Variants in CNTN4 observed in about 807,000 individuals in gnomAD.
The protein encoded by CNTN4 is contactin 4, also known as contactin-4.
CNTN4 carries 77 observed loss-of-function variants against 122.5 expected under a neutral mutation model. The observed-to-expected ratio is 0.63, with a 90% CI of 0.52 to 0.76. The LOEUF (loss-of-function observed/expected upper bound fraction) is 0.76. Ranked by LOEUF, CNTN4 falls within the 30% of genes least tolerant of loss-of-function variation. The probability of loss-of-function intolerance (pLI) is 0.00; values close to 1 mark genes in which losing one functional copy is unlikely to be tolerated. For synonymous variants in CNTN4, 512 were observed against 447.0 expected (o/e 1.15, Z -1.83); for missense variants, 1,256 against 1,259.1 (o/e 1.00, Z 0.04).
chr3:2,376,292 CCT>C (rs1184913481), intron 3 of CNTN4, among the ~76,000 whole-genome samples: 1 of 151,976 alleles, frequency 6.6e-6, no homozygotes, highest in African/African-American at 2.4e-5. Context: ...ATTATTATTC[CCT>C]GATCCAAATT....
At chr3:2,617,419 C>CTTTTTTTTTTT (rs71058631) in intron 4 of CNTN4, among the ~76,000 whole-genome samples, 19 of 108,520 alleles carry the variant, frequency 1.8e-4, no homozygotes, top group African/African-American at 2.5e-4. Flanking sequence ...AGAGAAATGC[C>CTTTTTTTTTTT]TTTTTTTTTT....
intron 3 of CNTN4, among the ~76,000 whole-genome samples, chr3:2,551,802 T>C (rs2078518995): frequency 6.6e-6 from 1 of 152,160 alleles, no homozygotes; most frequent in African/African-American, 2.4e-5. Context: ...GATTGTGTAT[T>C]TAACAGGAAT....
rs777067521 is a variant in CNTN4 at position 3,042,364 on chromosome 3, T to C, written c.2453T>C (p.Ile818Thr). The change falls in exon 21 of 25, where the codon ATT becomes ACT. Residue 818 changes from isoleucine to threonine, a missense_variant. Physicochemically the swap from Ile to Thr is moderately conservative, Grantham distance 89 (BLOSUM62 -1). Transcript: ENST00000418658. Reference sequence around the variant, plus strand: ...GCCAGAAGTCTTTCTGCCACAGATATTGAAGTTTTCTGGGCCTCCCCACTG... The same window carrying C: ...GCCAGAAGTCTTTCTGCCACAGATACTGAAGTTTTCTGGGCCTCCCCACTG... ...IFARSLSATD[I>T]EVFWASPLEK... 4 of 1,614,156 alleles carry C rather than the reference T, an allele frequency of 2.5e-6. No individual in the cohort carries two copies. Among genetic ancestry groups the C allele is most frequent in the Non-Finnish European group, 3.4e-6 (4 of 1,180,016 alleles).
At chr3:2,574,757 G>A (rs993211750) in intron 4 of CNTN4, among the ~76,000 whole-genome samples, 5 of 152,108 alleles carry the variant, frequency 3.3e-5, no homozygotes, top group African/African-American at 1.2e-4. Flanking sequence ...GAATGTTAGT[G>A]ACTATGGAAA....
intron 8 of CNTN4, among the ~76,000 whole-genome samples, chr3:2,873,514 A>T (rs1200136790): frequency 1.3e-5 from 2 of 152,224 alleles, no homozygotes; most frequent in African/African-American, 4.8e-5. Context: ...TAAATTTAAG[A>T]CCAAAGGAGA....
At chr3:2,174,347 A>G (rs1253283546) in intron 2 of CNTN4, among the ~76,000 whole-genome samples, 3 of 152,220 alleles carry the variant, frequency 2.0e-5, no homozygotes, top group Admixed American at 1.3e-4. Context: ...CTCTAACAGC[A>G]TAACATAGAC....
chr3:2,360,445 T>C (rs2045081543), intron 3 of CNTN4, among the ~76,000 whole-genome samples: 1 of 152,232 alleles, frequency 6.6e-6, no homozygotes, highest in Non-Finnish European at 1.5e-5. Flanking sequence ...TATTTCAGTC[T>C]TCTATAATAT....
intron 13 of CNTN4, among the ~76,000 whole-genome samples, chr3:2,981,344 T>G (rs113379828): frequency 0.017 from 2,656 of 151,808 alleles, 39 homozygotes; most frequent in Non-Finnish European, 0.028. Flanking sequence ...CTCGGGAGGC[T>G]GAGGCGGGAG....
intron 13 of CNTN4, among the ~76,000 whole-genome samples, chr3:2,971,882 C>G (rs990053195): frequency 1.3e-5 from 2 of 152,154 alleles, no homozygotes; most frequent in Non-Finnish European, 2.9e-5. Context: ...AAAGCATTAA[C>G]TCTCATAGCC....
chr3:2,262,761 A>G (rs2040887269), intron 2 of CNTN4, among the ~76,000 whole-genome samples: 1 of 152,082 alleles, frequency 6.6e-6, no homozygotes, highest in African/African-American at 2.4e-5. Flanking sequence ...GCTGCAAGAA[A>G]CAGAAAATTC....
chr3:2,171,578 G>T (rs187819684), intron 2 of CNTN4, among the ~76,000 whole-genome samples: 1 of 152,252 alleles, frequency 6.6e-6, no homozygotes, highest in African/African-American at 2.4e-5. Context: ...GGTTAAAAAA[G>T]TCAGTGGGAC....
chr3:2,662,439 G>A (rs910168733), intron 4 of CNTN4, among the ~76,000 whole-genome samples: 4 of 152,136 alleles, frequency 2.6e-5, no homozygotes, highest in African/African-American at 9.7e-5. Flanking sequence ...CTGCTAAACA[G>A]GAAAAGAGAA....
At chr3:2,870,589 G>A (rs748171868) in intron 8 of CNTN4, among the ~76,000 whole-genome samples, 24 of 152,132 alleles carry the variant, frequency 1.6e-4, no homozygotes, top group Non-Finnish European at 3.4e-4. Flanking sequence ...TTTGGTGACT[G>A]TATATTAGAC....
chr3:3,042,081 G>T (rs947952861), intron 20 of CNTN4, among the ~76,000 whole-genome samples: 6 of 152,308 alleles, frequency 3.9e-5, no homozygotes, highest in African/African-American at 1.4e-4. Flanking sequence ...AAACTTAAGT[G>T]GTTCTTCTCT....
chr3:2,728,407 G>A (rs922015355), intron 4 of CNTN4, among the ~76,000 whole-genome samples: 2 of 152,198 alleles, frequency 1.3e-5, no homozygotes, highest in Admixed American at 6.5e-5. Context: ...CATGCTGGTG[G>A]TGGAAAGAGT....
chr3:2,314,102 A>G (rs922190798), intron 2 of CNTN4, among the ~76,000 whole-genome samples: 1 of 152,028 alleles, frequency 6.6e-6, no homozygotes, highest in African/African-American at 2.4e-5. Flanking sequence ...ATTAAAATTG[A>G]TAACAACAAA....
Position 3,001,241 on chromosome 3 carries a change from CA to C in CNTN4, c.1486+12771del, listed in dbSNP as rs140515236. 3.8e-3 allele frequency among the ~76,000 whole-genome samples: 575 copies of C among 152,320 alleles called. 2 individuals are homozygous for C. Among genetic ancestry groups the C allele is most frequent in the African/African-American group, 0.011 (478 of 41,576 alleles). On this transcript the variant is annotated intron_variant, in intron 14 of 24. Coordinates refer to ENST00000418658, the MANE Select transcript of CNTN4 (RefSeq NM_175607.3). ...AATTAAGCAGACTTTTACCGCTACA[CA>C]ACCTCAAGTCTCTCTCACTACGAAA... is the stretch of plus-strand genomic sequence containing the variant.
At chr3:2,535,549 C>G (rs1018856749) in intron 3 of CNTN4, among the ~76,000 whole-genome samples, 1 of 152,084 alleles carries the variant, frequency 6.6e-6, no homozygotes, top group Non-Finnish European at 1.5e-5. Flanking sequence ...GACTTGCTTG[C>G]TTTTTGTTCA....
chr3:2,698,002 C>T (rs1215456767), intron 4 of CNTN4, among the ~76,000 whole-genome samples: 2 of 152,104 alleles, frequency 1.3e-5, no homozygotes, highest in Admixed American at 1.3e-4. Flanking sequence ...AACATTCATC[C>T]GGACTGATGT....
Sources: allele counts gnomAD v4.1 joint callset (sites outside exome capture counted in the v4.1 genomes callset), GRCh38; gene constraint gnomAD v4.1.1; transcripts MANE v1.5; gene names NCBI Gene and HGNC (gene_info 2026-07-23, HGNC 2026-07-21).